CDC42EP4: variants seen among roughly 807,000 people sequenced by gnomAD.
The protein encoded by CDC42EP4 is CDC42 effector protein 4.
CDC42EP4 carries 6 observed loss-of-function variants against 5.6 expected under a neutral mutation model. That is an observed-to-expected ratio of 1.07 (90% confidence interval 0.59 to 2.12). CDC42EP4 has a LOEUF of 2.12. CDC42EP4 is among the 30% of genes most tolerant of loss of function. The pLI, the probability that CDC42EP4 is intolerant of heterozygous loss-of-function variation, is 0.00. For missense variants in CDC42EP4, 490 were observed against 508.6 expected (o/e 0.96, Z 0.35); for synonymous variants, 230 against 224.2 (o/e 1.03, Z -0.23).
intron 1 of CDC42EP4, among the ~76,000 whole-genome samples, chr17:73,302,152 C>A (rs1398439814): frequency 6.6e-6 from 1 of 151,980 alleles, no homozygotes; most frequent in Non-Finnish European, 1.5e-5. Flanking sequence ...ACCTTTTTTT[C>A]CCCCTAACAT....
chr17:73,286,345 G>A lies in CDC42EP4; in HGVS notation c.156C>T (p.Phe52=), dbSNP rs138497425. 91 of 1,614,172 alleles carry A rather than the reference G, an allele frequency of 5.6e-5. No homozygotes were observed. In the African/African-American group the frequency reaches 1.1e-3, roughly 19 times the overall value. Residue 52 remains phenylalanine, a synonymous_variant, in exon 2 of 2, where the codon TTC becomes TTT. Transcript: ENST00000335793. This position sits in a 1 kb window ranked among gnomAD's most constrained non-coding sequence, Gnocchi z 7.7. ...CGGGCTCGCCAGCCTTGCTATTGAG[G>A]AAGGAGGTGTCCCCAAAGGCGTCTC... is the stretch of plus-strand genomic sequence containing the variant. ...RAGDAFGDTS[F]LNSKAGEPDG... is the part of the protein sequence containing the mutation.
intron 1 of CDC42EP4, among the ~76,000 whole-genome samples, chr17:73,291,558 G>A (rs1215794108): frequency 6.6e-6 from 1 of 152,174 alleles, no homozygotes; most frequent in Non-Finnish European, 1.5e-5. Flanking sequence ...GGGCAGCTAT[G>A]GTTTGGGAGG....
Position 73,297,001 on chromosome 17 carries a change from A to AAAAAAAAAAAAAAAAAAAAAAAAC in CDC42EP4, c.-112-10390_-112-10389insGTTTTTTTTTTTTTTTTTTTTTTT, listed in dbSNP as rs547362762. Among the ~76,000 whole-genome samples, 7 of 61,774 alleles carry AAAAAAAAAAAAAAAAAAAAAAAAC rather than the reference A, an allele frequency of 1.1e-4. 2 individuals carry two copies. Among genetic ancestry groups the AAAAAAAAAAAAAAAAAAAAAAAAC allele is most frequent in the Non-Finnish European group, 2.0e-4 (6 of 30,034 alleles). 40.5% of individuals were successfully genotyped at this position (61,774 alleles called of 152,430 possible). On this transcript the variant is annotated intron_variant, in intron 1 of 1. Transcript: ENST00000335793. ...GTCTCAAAAAAAAAAAAAAAAAAAA[A>AAAAAAAAAAAAAAAAAAAAAAAAC]AAATACACAAGGCCAAGCGCCGTGG...
At chr17:73,307,627 T>C (rs1156476501) in intron 1 of CDC42EP4, among the ~76,000 whole-genome samples, 2 of 151,822 alleles carry the variant, frequency 1.3e-5, no homozygotes, top group African/African-American at 2.4e-5. Flanking sequence ...TTTTGTACTT[T>C]TTAGTAGAGA....
chr17:73,301,661 T>C (rs77931135), intron 1 of CDC42EP4, among the ~76,000 whole-genome samples: 5,541 of 151,726 alleles, frequency 0.037, 241 homozygotes, highest in African/African-American at 0.095. Flanking sequence ...ATTCTTGTGC[T>C]TCAGCCTCCC....
Position 73,289,315 on chromosome 17 carries a change from C to T in CDC42EP4, c.-112-2703G>A, listed in dbSNP as rs998764493. Among the ~76,000 whole-genome samples the T allele has an allele frequency of 2.5e-4, 38 of 152,152 alleles. 1 individual carries two copies. The highest frequency in any genetic ancestry group is 2.4e-3 in the Admixed American group (36 of 15,270). ...GAGTTCCAGACCAGCCTGGGCAACA[C>T]GGTGAGACCCCATCTCTACACAAAA... On this transcript the variant is annotated intron_variant, in intron 1 of 1. Transcript: ENST00000335793.
chr17:73,304,768 G>T (rs9989465), intron 1 of CDC42EP4, among the ~76,000 whole-genome samples: 47,364 of 151,908 alleles, frequency 0.31, 7,782 homozygotes, highest in African/African-American at 0.42. Context: ...ATACGCAGTT[G>T]TGCACACAAT....
intron 1 of CDC42EP4, among the ~76,000 whole-genome samples, chr17:73,308,152 G>A (rs544873933): frequency 1.3e-5 from 2 of 152,180 alleles, no homozygotes; most frequent in African/African-American, 2.4e-5. Flanking sequence ...GAGAGGGCAC[G>A]CATGGGCTTG....
At chr17:73,293,693 A>T (rs1318767273) in intron 1 of CDC42EP4, among the ~76,000 whole-genome samples, 1 of 152,084 alleles carries the variant, frequency 6.6e-6, no homozygotes, top group Admixed American at 6.5e-5. Context: ...GAGGTGAGGG[A>T]CTCTGGCTTT....
Position 73,285,714 on chromosome 17 carries a change from C to A in CDC42EP4, c.787G>T (p.Ala263Ser). 1 of 1,572,212 alleles carries A rather than the reference C, an allele frequency of 6.4e-7. No individual in the cohort carries two copies. Among genetic ancestry groups the A allele is most frequent in the Non-Finnish European group, 8.7e-7 (1 of 1,153,286 alleles). The stretch of plus-strand genomic sequence containing the variant: ...GGGCCAGCCTTGCCTTCCTGCCTTG[C>A]CAGGGGAGGGGCCGCCACGGCGTAC... ...PPYAVAAPPL[A>S]RQEGKAGPDL... Residue 263 changes from alanine to serine, a missense_variant, in exon 2 of 2, where the codon GCA becomes TCA. Physicochemically the swap from Ala to Ser is moderately conservative, Grantham distance 99. Coordinates refer to ENST00000335793, the MANE Select transcript of CDC42EP4 (RefSeq NM_012121.5). This position sits in a 1 kb window ranked among gnomAD's most constrained non-coding sequence, Gnocchi z 6.8.
intron 1 of CDC42EP4, among the ~76,000 whole-genome samples, chr17:73,307,481 TC>T (rs2062249875): frequency 6.8e-6 from 1 of 148,026 alleles, no homozygotes; most frequent in South Asian, 2.2e-4. Flanking sequence ...GGAGTCTCGC[TC>T]TGTCACCCAG....
intron 1 of CDC42EP4, among the ~76,000 whole-genome samples, chr17:73,309,315 C>G (rs2062261499): frequency 1.3e-5 from 2 of 151,932 alleles, no homozygotes; most frequent in Admixed American, 1.3e-4. Context: ...GACGCTGCAC[C>G]ACAACCTGGG....
chr17:73,305,720 G>A (rs1200323577), intron 1 of CDC42EP4, among the ~76,000 whole-genome samples: 1 of 152,234 alleles, frequency 6.6e-6, no homozygotes, highest in African/African-American at 2.4e-5. Flanking sequence ...GGTGAGCACA[G>A]TTCCATGTGT....
intron 1 of CDC42EP4, among the ~76,000 whole-genome samples, chr17:73,300,700 A>G (rs942951373): frequency 2.0e-5 from 3 of 152,190 alleles, no homozygotes; most frequent in African/African-American, 7.2e-5. Flanking sequence ...TACCCATGTA[A>G]CAAAACTATA....
intron 1 of CDC42EP4, among the ~76,000 whole-genome samples, chr17:73,305,314 G>A (rs971719872): frequency 9.2e-5 from 14 of 152,240 alleles, no homozygotes; most frequent in African/African-American, 2.7e-4. Context: ...CCCCATACAG[G>A]CTGGGCCCTC....
At chr17:73,304,439 C>T (rs2062234851) in intron 1 of CDC42EP4, among the ~76,000 whole-genome samples, 1 of 152,040 alleles carries the variant, frequency 6.6e-6, no homozygotes, top group African/African-American at 2.4e-5. Flanking sequence ...TGTAGTCATA[C>T]ACGGTCCCAA....
chr17:73,299,486 G>A (rs2062207544), intron 1 of CDC42EP4, among the ~76,000 whole-genome samples: 1 of 146,810 alleles, frequency 6.8e-6, no homozygotes. Context: ...CACATTTTTA[G>A]TAGAGATGGC....
chr17:73,303,679 A>T (rs1365158016), intron 1 of CDC42EP4, among the ~76,000 whole-genome samples: 3 of 152,036 alleles, frequency 2.0e-5, no homozygotes, highest in East Asian at 1.9e-4. Context: ...AAAAAAAAAA[A>T]AATTAATTCC....
In CDC42EP4 at chr17:73,285,893, G is replaced by A. The variant is rs374130662; in HGVS notation, c.608C>T (p.Ala203Val). The A allele has an allele frequency of 1.6e-4, 257 of 1,613,932 alleles. No individual in the cohort carries two copies. The highest frequency in any genetic ancestry group is 2.1e-4 in the Non-Finnish European group (248 of 1,180,042). ...VPKATYGLKH[A>V]ESIMSFHIDL... The stretch of plus-strand genomic sequence containing the variant: ...GATGTGGAAGGACATGATGGACTCC[G>A]CATGCTTCAGCCCGTACGTGGCCTT... Residue 203 changes from alanine (A) to valine (V), a missense_variant, in exon 2 of 2, where the codon GCG becomes GTG. Transcript: ENST00000335793. This position sits in a 1 kb window ranked among gnomAD's most constrained non-coding sequence, Gnocchi z 6.8.
Sources: gnomAD v4.1 joint callset for allele counts (sites outside exome capture counted in the v4.1 genomes callset) on GRCh38, gnomAD v4.1.1 for gene constraint, Gnocchi (gnomAD v3.1) non-coding constraint, MANE v1.5 for transcripts, NCBI Gene and HGNC (gene_info 2026-07-23, HGNC 2026-07-21) for gene names.